The following ADARB2 variants were observed in gnomAD, a reference collection of about 807,000 sequenced individuals.
The protein encoded by ADARB2 is inactive double-stranded RNA-specific editase B2.
In ADARB2, 25 loss-of-function variants were observed where a neutral mutation model predicts 62.2. The observed-to-expected ratio is 0.40, with a 90% CI of 0.29 to 0.56. The LOEUF is 0.56. Ranked by LOEUF, ADARB2 falls within the 20% of genes least tolerant of loss-of-function variation. The probability of loss-of-function intolerance (pLI) is 0.43; values close to 1 mark genes in which losing one functional copy is unlikely to be tolerated. For missense variants in ADARB2, 1,071 were observed against 1,077.4 expected (o/e 0.99, Z 0.08); for synonymous variants, 572 against 500.8 (o/e 1.14, Z -1.90).
intron 6 of ADARB2, among the ~76,000 whole-genome samples, chr10:1,227,710 A>G (rs1995853): frequency 0.64 from 97,920 of 152,100 alleles, 32,027 homozygotes; most frequent in African/African-American, 0.74. Context: ...CATGGTTGCT[A>G]CCATCACAAG....
At chr10:1,286,663 G>A (rs930707159) in intron 3 of ADARB2, among the ~76,000 whole-genome samples, 2 of 152,136 alleles carry the variant, frequency 1.3e-5, no homozygotes, top group African/African-American at 4.8e-5. Context: ...GGGGCAATTG[G>A]GGTCTCTGAG....
At chr10:1,664,767 T>A (rs547830662) in intron 1 of ADARB2, among the ~76,000 whole-genome samples, 5 of 152,298 alleles carry the variant, frequency 3.3e-5, no homozygotes, top group African/African-American at 1.2e-4. Context: ...CCCATGCGGC[T>A]GACTCTGGGG....
chr10:1,576,773 T>C (rs896743393), intron 1 of ADARB2, among the ~76,000 whole-genome samples: 2 of 152,128 alleles, frequency 1.3e-5, no homozygotes, highest in African/African-American at 2.4e-5. Flanking sequence ...GGAAAGGCCC[T>C]TGGGGACAAT....
At position 1,327,023 on chromosome 10, in the gene ADARB2, ACAGCGCCTCCCCACTGCC is replaced by A. The variant is rs1564258030; in HGVS notation, c.1077+35987_1077+36004del. Among the ~76,000 whole-genome samples, 186 of 22,874 alleles carry A rather than the reference ACAGCGCCTCCCCACTGCC, an allele frequency of 8.1e-3. 54 individuals carry two copies. The highest frequency in any genetic ancestry group is 0.011 in the Non-Finnish European group (132 of 12,506). 15.0% of individuals were successfully genotyped at this position (22,874 alleles called of 152,430 possible). On this transcript the variant is annotated intron_variant, in intron 3 of 9. Transcript: ENST00000381312. ...CCACTGCCCAGCGCCTCCCCACGGC[ACAGCGCCTCCCCACTGCC>A]CAGCGCCTCCCCACTGCCCAGCGCC...
chr10:1,277,222 C>A (rs191799484), intron 3 of ADARB2, among the ~76,000 whole-genome samples: 3,935 of 152,210 alleles, frequency 0.026, 62 homozygotes, highest in Middle Eastern at 0.051. Context: ...CAAACACATT[C>A]AAAAGCTAGC....
At chr10:1,440,928 C>T (rs1400094174) in intron 1 of ADARB2, among the ~76,000 whole-genome samples, 2 of 152,240 alleles carry the variant, frequency 1.3e-5, no homozygotes, top group Non-Finnish European at 2.9e-5. Context: ...AAGCCTCACT[C>T]CAGCCTTTGC....
chr10:1,467,882 C>T lies in ADARB2; in HGVS notation c.101-88722G>A, dbSNP rs187782088. On this transcript the variant is annotated intron_variant, in intron 1 of 9. Transcript: ENST00000381312. ...GTGTCCCTCTTCCTGAAACGAAAGC[C>T]GTCTGTCTGACGAGGACATTGAGGA... is the stretch of plus-strand genomic sequence containing the variant. Among the ~76,000 whole-genome samples, 37 of 152,270 alleles carry T rather than the reference C, an allele frequency of 2.4e-4. No homozygotes were observed. In the East Asian group the frequency reaches 6.4e-3, roughly 26 times the overall value.
chr10:1,650,516 C>A (rs1465926382), intron 1 of ADARB2, among the ~76,000 whole-genome samples: 1 of 152,192 alleles, frequency 6.6e-6, no homozygotes, highest in East Asian at 1.9e-4. Context: ...GGAAACGCAC[C>A]TCCGCCAGTC....
At chr10:1,257,016 A>G (rs1477665957) in intron 4 of ADARB2, among the ~76,000 whole-genome samples, 1 of 152,232 alleles carries the variant, frequency 6.6e-6, no homozygotes. Flanking sequence ...TGTAAGTGAC[A>G]GTGCTTTCTT....
At chr10:1,736,918 C>A (rs571786338) in intron 1 of ADARB2, 133 bp downstream of exon 1, 1 of 866,970 alleles carries the variant, frequency 1.2e-6, no homozygotes, top group South Asian at 1.6e-5. Flanking sequence ...GCGCCCTGCA[C>A]GGAGCAGCCA....
chr10:1,265,543 CG>C (rs199601036), intron 4 of ADARB2, among the ~76,000 whole-genome samples: 1 of 147,378 alleles, frequency 6.8e-6, no homozygotes, highest in Admixed American at 6.7e-5. Flanking sequence ...ACGCCCTGAG[CG>C]GGGGCCCAGG....
At chr10:1,613,491 G>A (rs1236470579) in intron 1 of ADARB2, among the ~76,000 whole-genome samples, 1 of 152,168 alleles carries the variant, frequency 6.6e-6, no homozygotes, top group African/African-American at 2.4e-5. Flanking sequence ...GCAGCAGGGT[G>A]GGGTAACTGT....
At chr10:1,589,119 G>A (rs891016111) in intron 1 of ADARB2, among the ~76,000 whole-genome samples, 1 of 152,198 alleles carries the variant, frequency 6.6e-6, no homozygotes, top group African/African-American at 2.4e-5. Flanking sequence ...CAGTCCACTG[G>A]TTATTATTTA....
intron 1 of ADARB2, chr10:1,556,561 C>G: frequency 2.5e-6 from 1 of 406,020 alleles, no homozygotes; most frequent in South Asian, 1.9e-5. Flanking sequence ...ATTTCGACTC[C>G]ATGGTCTGGG....
At chr10:1,654,838 G>T (rs1834154622) in intron 1 of ADARB2, among the ~76,000 whole-genome samples, 1 of 152,210 alleles carries the variant, frequency 6.6e-6, no homozygotes, top group African/African-American at 2.4e-5. Flanking sequence ...GATCACTGCA[G>T]CCCCTTCCCA....
At position 1,181,274 on chromosome 10, in the gene ADARB2, T is replaced by C. The variant is rs536934737; in HGVS notation, c.*1919A>G. 5 of 152,338 alleles carry C rather than the reference T, an allele frequency of 3.3e-5. No homozygotes were observed. The East Asian group carries it at 7.7e-4, about 23-fold the overall frequency. 9.4% of individuals were successfully genotyped at this position (152,338 alleles called of 1,614,324 possible). A position where few individuals can be genotyped will look rare whatever the true frequency, so the allele number is the denominator to read the frequency against. ...CCACCCATCACCTCTCGACTCTAAG[T>C]TCTCTAAGCTTCATCCTAGTGATGT... On this transcript the variant is annotated 3_prime_UTR_variant, in exon 10 of 10. Coordinates refer to ENST00000381312, the MANE Select transcript of ADARB2 (RefSeq NM_018702.4).
At chr10:1,627,379 G>A (rs1346136596) in intron 1 of ADARB2, among the ~76,000 whole-genome samples, 2 of 152,000 alleles carry the variant, frequency 1.3e-5, no homozygotes, top group Non-Finnish European at 2.9e-5. Context: ...TCTCTTGATT[G>A]CCTTTCTATC....
At chr10:1,727,877 C>G (rs999012053) in intron 1 of ADARB2, among the ~76,000 whole-genome samples, 1 of 152,154 alleles carries the variant, frequency 6.6e-6, no homozygotes, top group Non-Finnish European at 1.5e-5. Flanking sequence ...GATAGATTTA[C>G]ACATGAATAA....
chr10:1,551,525 C>T (rs536850523), intron 1 of ADARB2, among the ~76,000 whole-genome samples: 6 of 152,312 alleles, frequency 3.9e-5, no homozygotes, highest in Admixed American at 2.0e-4. Flanking sequence ...CCTTCCTGGG[C>T]GGCTGTCCCT....
Sources: allele counts gnomAD v4.1 joint callset (sites outside exome capture counted in the v4.1 genomes callset), GRCh38; gene constraint gnomAD v4.1.1; transcripts MANE v1.5; gene names NCBI Gene and HGNC (gene_info 2026-07-23, HGNC 2026-07-21).